BRINP3: variants seen among roughly 807,000 people sequenced by gnomAD.
The protein encoded by BRINP3 is BMP/retinoic acid inducible neural specific 3, also known as BMP/retinoic acid-inducible neural-specific protein 3.
Under a neutral mutation model 71.0 loss-of-function variants are expected in BRINP3, and 19 were observed. The observed-to-expected ratio is 0.27, with a 90% confidence interval of 0.19 to 0.39. The LOEUF is 0.39. BRINP3 is among the 10% of genes least tolerant of loss of function. The probability of loss-of-function intolerance (pLI) is 1.00; values close to 1 mark genes in which losing one functional copy is unlikely to be tolerated. For synonymous variants in BRINP3, 380 were observed against 337.7 expected, an observed-to-expected ratio of 1.13 and a Z score of -1.37; for missense variants, 959 against 940.8, an observed-to-expected ratio of 1.02 and a Z score of -0.25.
At chr1:190,265,607 C>G (rs957880909) in intron 3 of BRINP3, among the ~76,000 whole-genome samples, 1 of 150,134 alleles carries the variant, frequency 6.7e-6, no homozygotes, top group Non-Finnish European at 1.5e-5. Context: ...CCAGCTACTC[C>G]GGAGGCTGTG....
chr1:190,444,460 T>C (rs1342745912), intron 2 of BRINP3, among the ~76,000 whole-genome samples: 2 of 151,748 alleles, frequency 1.3e-5, no homozygotes, highest in African/African-American at 4.8e-5. Context: ...TAAAATAAAA[T>C]GGCTTACTAA....
intron 6 of BRINP3, among the ~76,000 whole-genome samples, chr1:190,192,573 A>G (rs1269693304): frequency 2.0e-5 from 3 of 152,016 alleles, no homozygotes; most frequent in Admixed American, 6.6e-5. Flanking sequence ...TGGCATAAGC[A>G]TAATAAAGTC....
intron 2 of BRINP3, among the ~76,000 whole-genome samples, chr1:190,297,092 G>A (rs1461282711): frequency 1.3e-5 from 2 of 151,700 alleles, no homozygotes; most frequent in South Asian, 2.1e-4. Context: ...ACTTAAAATA[G>A]ATGAAACAAT....
intron 2 of BRINP3, among the ~76,000 whole-genome samples, chr1:190,296,226 T>G (rs562000545): frequency 7.9e-6 from 1 of 126,286 alleles, no homozygotes; most frequent in Non-Finnish European, 1.9e-5. Flanking sequence ...CCACAAACAT[T>G]AAAAATTAAA....
chr1:190,167,275 A>C (rs1651637578), intron 6 of BRINP3, among the ~76,000 whole-genome samples: 1 of 152,160 alleles, frequency 6.6e-6, no homozygotes, highest in Admixed American at 6.6e-5. Context: ...AATTGAGAGC[A>C]TATGTGGTTT....
In BRINP3 at chr1:190,372,272, G is replaced by A. The variant is rs558706795; in HGVS notation, c.236+82383C>T. On this transcript the variant is annotated intron_variant, in intron 2 of 7. Transcript: ENST00000367462. ...CAACCTGTTGAACCAAGCTCAAAGC[G>A]AGTGACCATTTCCATGGGTGGATAC... Among the ~76,000 whole-genome samples the A allele has an allele frequency of 2.0e-5, 3 of 152,242 alleles. No individual in the cohort carries two copies. In the East Asian group the frequency reaches 5.8e-4, roughly 29 times the overall value.
chr1:190,177,744 T>C (rs1367265777), intron 6 of BRINP3, among the ~76,000 whole-genome samples: 3 of 152,200 alleles, frequency 2.0e-5, no homozygotes, highest in Non-Finnish European at 2.9e-5. Context: ...TGGGAATAAA[T>C]CTTTCCTAAT....
intron 7 of BRINP3, among the ~76,000 whole-genome samples, chr1:190,154,807 G>A (rs567576568): frequency 6.6e-6 from 1 of 152,232 alleles, no homozygotes; most frequent in South Asian, 2.1e-4. Context: ...GTTGCAGGCT[G>A]AGGTAGCCAC....
chr1:190,237,088 A>G (rs1323383170), intron 4 of BRINP3, among the ~76,000 whole-genome samples: 1 of 151,916 alleles, frequency 6.6e-6, no homozygotes, highest in Non-Finnish European at 1.5e-5. Flanking sequence ...AGAAAATTAA[A>G]TAATAGACAT....
intron 2 of BRINP3, among the ~76,000 whole-genome samples, chr1:190,446,515 T>C (rs540378277): frequency 6.6e-6 from 1 of 152,204 alleles, no homozygotes; most frequent in East Asian, 1.9e-4. Flanking sequence ...CAAATAAAAG[T>C]ATAAGCGATT....
chr1:190,150,533 T>C (rs1244447467), intron 7 of BRINP3, among the ~76,000 whole-genome samples: 2 of 152,200 alleles, frequency 1.3e-5, no homozygotes, highest in Non-Finnish European at 2.9e-5. Flanking sequence ...ATGATATCAT[T>C]TGTAAGATTT....
chr1:190,214,861 A>T (rs1656270808), intron 6 of BRINP3, among the ~76,000 whole-genome samples: 1 of 151,942 alleles, frequency 6.6e-6, no homozygotes, highest in Non-Finnish European at 1.5e-5. Flanking sequence ...ACCATCTCAG[A>T]TTGACTTAAC....
At chr1:190,352,778 A>C in intron 2 of BRINP3, among the ~76,000 whole-genome samples, 1 of 151,972 alleles carries the variant, frequency 6.6e-6, no homozygotes, top group African/African-American at 2.4e-5. Flanking sequence ...CCATTCATTA[A>C]ATTCATAAGA....
chr1:190,428,245 A>T (rs1049378470), intron 2 of BRINP3, among the ~76,000 whole-genome samples: 8 of 152,046 alleles, frequency 5.3e-5, no homozygotes, highest in Non-Finnish European at 1.0e-4. Context: ...CATTAACACA[A>T]TCTCTAAATT....
At chr1:190,296,044 T>G (rs1275973890) in intron 2 of BRINP3, among the ~76,000 whole-genome samples, 3 of 149,442 alleles carry the variant, frequency 2.0e-5, no homozygotes, top group African/African-American at 7.3e-5. Flanking sequence ...TATTTTTGTT[T>G]GTTTGTTTGT....
chr1:190,212,451 G>T (rs151286950), intron 6 of BRINP3, among the ~76,000 whole-genome samples: 2 of 152,136 alleles, frequency 1.3e-5, no homozygotes, highest in East Asian at 3.9e-4. Flanking sequence ...TCATTTTCCC[G>T]CAAGTATAGA....
intron 2 of BRINP3, among the ~76,000 whole-genome samples, chr1:190,383,063 A>T (rs576704989): frequency 3.2e-4 from 48 of 152,246 alleles, no homozygotes; most frequent in African/African-American, 1.1e-3. Context: ...GGCCCTTGAA[A>T]TTAGTATATT....
At chr1:190,298,797 CTA>C (rs147015683) in intron 2 of BRINP3, among the ~76,000 whole-genome samples, 1 of 151,428 alleles carries the variant, frequency 6.6e-6, no homozygotes, top group South Asian at 2.1e-4. Context: ...TTAAAGAGTT[CTA>C]TATATATATA....
intron 2 of BRINP3, among the ~76,000 whole-genome samples, chr1:190,396,611 T>G (rs779156700): frequency 1.1e-4 from 16 of 150,912 alleles, no homozygotes; most frequent in Non-Finnish European, 1.9e-4. Flanking sequence ...GCATTCTGCT[T>G]TCAAGTATAT....
Sources: gnomAD v4.1 joint callset for allele counts (sites outside exome capture counted in the v4.1 genomes callset) on GRCh38, gnomAD v4.1.1 for gene constraint, MANE v1.5 for transcripts, NCBI Gene and HGNC (gene_info 2026-07-23, HGNC 2026-07-21) for gene names.